Variants in ANAPC10 observed in about 807,000 individuals in gnomAD.
ANAPC10 encodes the protein anaphase-promoting complex subunit 10.
Under a neutral mutation model 22.0 loss-of-function variants are expected in ANAPC10, and 12 were observed. The observed-to-expected ratio is 0.55, with a 90% CI of 0.35 to 0.88. The LOEUF (loss-of-function observed/expected upper bound fraction) is 0.88. Ranked by LOEUF, ANAPC10 falls within the 40% of genes least tolerant of loss-of-function variation. The probability of loss-of-function intolerance (pLI) is 0.01; values close to 1 mark genes in which losing one functional copy is unlikely to be tolerated. For synonymous variants in ANAPC10, 65 were observed against 69.5 expected (o/e 0.94, Z 0.32); for missense variants, 188 against 220.9 (o/e 0.85, Z 0.94).
intron 4 of ANAPC10, among the ~76,000 whole-genome samples, chr4:145,057,686 T>A (rs1479162311): frequency 6.6e-6 from 1 of 152,160 alleles, no homozygotes; most frequent in African/African-American, 2.4e-5. Context: ...CAGATATCAG[T>A]GACCAAAATT....
chr4:145,060,616 A>G (rs1579071923), intron 4 of ANAPC10, among the ~76,000 whole-genome samples: 1 of 152,002 alleles, frequency 6.6e-6, no homozygotes, highest in South Asian at 2.1e-4. Context: ...TTCAATACAC[A>G]CTACACTACA....
rs1327887667 is a variant in ANAPC10 at position 145,016,338 on chromosome 4, A to T, written c.328-20735T>A. Among the ~76,000 whole-genome samples, 4 of 152,302 alleles carry T rather than the reference A, an allele frequency of 2.6e-5. No homozygotes were observed. In the East Asian group the frequency reaches 5.8e-4, roughly 22 times the overall value. On this transcript the variant is annotated intron_variant, in intron 4 of 4. Coordinates refer to ENST00000507656, the MANE Select transcript of ANAPC10 (RefSeq NM_001256706.2). ...TTATACACCAATAACAAACAAACAG[A>T]GAGCCAAATCATGAGTGAACTCCCA...
At chr4:145,075,134 T>C (rs978211173) in intron 3 of ANAPC10, among the ~76,000 whole-genome samples, 1 of 152,066 alleles carries the variant, frequency 6.6e-6, no homozygotes, top group Admixed American at 6.6e-5. Flanking sequence ...ATTCTGTGCT[T>C]ACCTTATTGC....
intron 4 of ANAPC10, among the ~76,000 whole-genome samples, chr4:145,007,850 G>C (rs1733647745): frequency 9.4e-6 from 1 of 106,250 alleles, no homozygotes; most frequent in Non-Finnish European, 1.8e-5. Context: ...AGGACACAGA[G>C]ACACAAAAAA....
intron 4 of ANAPC10, among the ~76,000 whole-genome samples, chr4:145,023,150 A>C (rs1455009159): frequency 1.3e-5 from 2 of 152,154 alleles, no homozygotes; most frequent in African/African-American, 4.8e-5. Flanking sequence ...ACTGTCACAA[A>C]CATAAGGCTG....
chr4:145,018,140 A>T (rs545051545), intron 4 of ANAPC10, among the ~76,000 whole-genome samples: 10 of 144,746 alleles, frequency 6.9e-5, no homozygotes, highest in Admixed American at 2.8e-4. Context: ...TATATATATA[A>T]ATAAAATAAA....
chr4:145,094,465 G>A (rs1748184214), intron 2 of ANAPC10, among the ~76,000 whole-genome samples: 1 of 152,194 alleles, frequency 6.6e-6, no homozygotes, highest in Admixed American at 6.5e-5. Flanking sequence ...AAAAGGGTAA[G>A]TTTTATAGTA....
intron 2 of ANAPC10, among the ~76,000 whole-genome samples, chr4:145,095,731 TTGTTA>T (rs1231263395): frequency 6.6e-6 from 1 of 152,330 alleles, no homozygotes; most frequent in East Asian, 1.9e-4. Flanking sequence ...ATTACTTCTA[TTGTTA>T]TAATTGTTCT....
chr4:145,022,388 A>C (rs888813622), intron 4 of ANAPC10, among the ~76,000 whole-genome samples: 5 of 152,140 alleles, frequency 3.3e-5, no homozygotes, highest in African/African-American at 1.2e-4. Context: ...ATCGGAGACT[A>C]TTATTCTAAG....
intron 4 of ANAPC10, among the ~76,000 whole-genome samples, chr4:145,030,754 T>C (rs777502568): frequency 3.3e-5 from 5 of 152,164 alleles, no homozygotes; most frequent in Non-Finnish European, 7.4e-5. Flanking sequence ...TGGAAGCCAA[T>C]AGAGCTACCT....
intron 4 of ANAPC10, among the ~76,000 whole-genome samples, chr4:144,997,877 T>A (rs1357027397): frequency 6.6e-6 from 1 of 151,882 alleles, no homozygotes; most frequent in East Asian, 1.9e-4. Context: ...AATAAAGGGA[T>A]GGAGGAAGAT....
chr4:145,017,594 A>G (rs1735374395), intron 4 of ANAPC10, among the ~76,000 whole-genome samples: 1 of 152,192 alleles, frequency 6.6e-6, no homozygotes, highest in South Asian at 2.1e-4. Flanking sequence ...TAGAAATACC[A>G]TTTGACCCAG....
chr4:145,096,621 T>G (rs185432906), intron 1 of ANAPC10, among the ~76,000 whole-genome samples: 1 of 152,334 alleles, frequency 6.6e-6, no homozygotes, highest in East Asian at 1.9e-4. Flanking sequence ...TATAATTCTG[T>G]GCCTGAAAAT....
intron 4 of ANAPC10, among the ~76,000 whole-genome samples, chr4:145,050,428 A>G (rs1415769893): frequency 6.6e-6 from 1 of 152,212 alleles, no homozygotes; most frequent in Non-Finnish European, 1.5e-5. Context: ...CCCTAGGATT[A>G]TTAGAATAGT....
intron 4 of ANAPC10, among the ~76,000 whole-genome samples, chr4:145,006,748 T>G (rs547380901): frequency 6.6e-6 from 1 of 152,282 alleles, no homozygotes; most frequent in Non-Finnish European, 1.5e-5. Flanking sequence ...TTGAACCTTC[T>G]TAGCCTTTTT....
intron 4 of ANAPC10, among the ~76,000 whole-genome samples, chr4:145,049,471 A>C (rs1459491650): frequency 6.6e-6 from 1 of 152,220 alleles, no homozygotes; most frequent in East Asian, 1.9e-4. Context: ...TGTTCACAGC[A>C]CCTTCACACA....
intron 4 of ANAPC10, among the ~76,000 whole-genome samples, chr4:145,059,554 G>A (rs1189583231): frequency 7.2e-5 from 11 of 152,032 alleles, no homozygotes; most frequent in Admixed American, 7.2e-4. Context: ...AATTTTAGAA[G>A]CAATAAACCA....
intron 4 of ANAPC10, among the ~76,000 whole-genome samples, chr4:145,061,720 T>A (rs1332383296): frequency 6.6e-6 from 1 of 152,198 alleles, no homozygotes; most frequent in Admixed American, 6.5e-5. Context: ...GTGAAATTTT[T>A]AATAAAATAC....
At chr4:145,015,149 C>A (rs1300587920) in intron 4 of ANAPC10, among the ~76,000 whole-genome samples, 1 of 151,580 alleles carries the variant, frequency 6.6e-6, no homozygotes, top group Non-Finnish European at 1.5e-5. Flanking sequence ...TCGAGAGGCA[C>A]CAGAGAAAGG....
Sources: gnomAD v4.1 joint callset for allele counts (sites outside exome capture counted in the v4.1 genomes callset) on GRCh38, gnomAD v4.1.1 for gene constraint, MANE v1.5 for transcripts, NCBI Gene and HGNC (gene_info 2026-07-23, HGNC 2026-07-21) for gene names.